The following TRHDE variants were observed in gnomAD, a reference collection of about 807,000 sequenced individuals.
The protein encoded by TRHDE is thyrotropin releasing hormone degrading enzyme, also known as thyrotropin-releasing hormone-degrading ectoenzyme.
Under a neutral mutation model 125.7 loss-of-function variants are expected in TRHDE, and 72 were observed. That is an observed-to-expected ratio of 0.57 (90% CI 0.47 to 0.70). The LOEUF (loss-of-function observed/expected upper bound fraction) is 0.70. TRHDE is among the 30% of genes least tolerant of loss of function. The probability of loss-of-function intolerance (pLI) is 0.00; values close to 1 mark genes in which losing one functional copy is unlikely to be tolerated. For synonymous variants in TRHDE, 509 were observed against 509.1 expected (o/e 1.00, Z 0.00); for missense variants, 1,110 against 1,327.1 (o/e 0.84, Z 2.54).
chr12:72,470,240 G>C (rs1408953398), intron 4 of TRHDE, among the ~76,000 whole-genome samples: 2 of 152,196 alleles, frequency 1.3e-5, no homozygotes, highest in Admixed American at 1.3e-4. Flanking sequence ...TGTATATATG[G>C]TAAGTGCAGT....
At chr12:72,129,389 C>T (rs551314033) in intron 2 of TRHDE, among the ~76,000 whole-genome samples, 3 of 151,602 alleles carry the variant, frequency 2.0e-5, no homozygotes, top group Non-Finnish European at 4.4e-5. Context: ...ATGCCTTAAA[C>T]TATAATTAGA....
intron 2 of TRHDE, among the ~76,000 whole-genome samples, chr12:72,230,626 AT>A (rs1449775564): frequency 1.3e-5 from 2 of 152,080 alleles, no homozygotes; most frequent in Admixed American, 6.6e-5. Flanking sequence ...GTAAACTGAT[AT>A]TTTAACAAAT....
intron 15 of TRHDE, among the ~76,000 whole-genome samples, chr12:72,641,889 G>T (rs1296632075): frequency 1.3e-5 from 2 of 151,754 alleles, no homozygotes; most frequent in African/African-American, 2.4e-5. Context: ...TCCCAAATTT[G>T]TATGTTGAAA....
At chr12:72,150,751 G>A (rs1876341792) in intron 2 of TRHDE, among the ~76,000 whole-genome samples, 1 of 151,946 alleles carries the variant, frequency 6.6e-6, no homozygotes, top group South Asian at 2.1e-4. Context: ...TGGCTGCATA[G>A]TATTCCATGG....
At chr12:72,337,907 G>A (rs982969272) in intron 2 of TRHDE, among the ~76,000 whole-genome samples, 5 of 151,958 alleles carry the variant, frequency 3.3e-5, no homozygotes, top group Non-Finnish European at 7.4e-5. Context: ...GTGGTTACAC[G>A]TAGTACTAGC....
chr12:72,616,579 C>G (rs372639668), intron 12 of TRHDE, among the ~76,000 whole-genome samples: 1 of 151,948 alleles, frequency 6.6e-6, no homozygotes, highest in Non-Finnish European at 1.5e-5. Context: ...GGCAAATTCC[C>G]TACAAAGTAT....
chr12:72,338,945 A>G (rs1452443601), intron 2 of TRHDE, among the ~76,000 whole-genome samples: 1 of 152,192 alleles, frequency 6.6e-6, no homozygotes, highest in Non-Finnish European at 1.5e-5. Context: ...CATAGGAGGA[A>G]AGGATCATAT....
At chr12:72,584,931 T>C (rs1379021849) in intron 12 of TRHDE, among the ~76,000 whole-genome samples, 1 of 152,222 alleles carries the variant, frequency 6.6e-6, no homozygotes, top group Non-Finnish European at 1.5e-5. Flanking sequence ...ATTCTCCTAA[T>C]AAGCATATAG....
chr12:72,141,877 G>A (rs1436410378), intron 2 of TRHDE, among the ~76,000 whole-genome samples: 1 of 152,162 alleles, frequency 6.6e-6, no homozygotes, highest in Non-Finnish European at 1.5e-5. Flanking sequence ...GACAGGTGAT[G>A]GTTTGGCAAT....
intron 2 of TRHDE, among the ~76,000 whole-genome samples, chr12:72,222,855 G>A (rs1478492205): frequency 6.6e-6 from 1 of 152,092 alleles, no homozygotes; most frequent in Non-Finnish European, 1.5e-5. Context: ...GAGTGCAAAG[G>A]TTACTTGAGT....
chr12:72,177,123 G>C (rs954653842), intron 2 of TRHDE, among the ~76,000 whole-genome samples: 1 of 144,776 alleles, frequency 6.9e-6, no homozygotes, highest in Non-Finnish European at 1.5e-5. Context: ...ATCACCAAAG[G>C]TTTTTTTTTT....
At chr12:72,454,684 A>T (rs1349146769) in intron 3 of TRHDE, among the ~76,000 whole-genome samples, 1 of 152,212 alleles carries the variant, frequency 6.6e-6, no homozygotes, top group Admixed American at 6.5e-5. Flanking sequence ...TGTGATTCCC[A>T]AACTTTAATG....
intron 2 of TRHDE, among the ~76,000 whole-genome samples, chr12:72,141,462 G>C (rs796436895): frequency 6.6e-6 from 1 of 152,106 alleles, no homozygotes; most frequent in South Asian, 2.1e-4. Context: ...TCCTGAACAA[G>C]GTAGACAATG....
At chr12:72,511,735 GT>G (rs1878588999) in intron 6 of TRHDE, among the ~76,000 whole-genome samples, 1 of 151,984 alleles carries the variant, frequency 6.6e-6, no homozygotes, top group African/African-American at 2.4e-5. Flanking sequence ...TCATTTAATG[GT>G]TTCTTTTTAT....
intron 2 of TRHDE, among the ~76,000 whole-genome samples, chr12:72,150,608 C>T (rs1362101881): frequency 1.4e-5 from 2 of 141,712 alleles, no homozygotes; most frequent in African/African-American, 5.2e-5. Context: ...TCCATGTGTT[C>T]TCATTGTTCA....
intron 2 of TRHDE, among the ~76,000 whole-genome samples, chr12:72,330,731 T>C (rs2135719339): frequency 6.6e-6 from 1 of 152,238 alleles, no homozygotes. Flanking sequence ...AGAGCGAAAA[T>C]AATATCCTAT....
intron 7 of TRHDE, among the ~76,000 whole-genome samples, chr12:72,550,904 T>G (rs971106372): frequency 6.6e-6 from 1 of 151,888 alleles, no homozygotes; most frequent in African/African-American, 2.4e-5. Flanking sequence ...AGTAAAAAAC[T>G]TTTTCCATTA....
At chr12:72,150,492 C>T (rs548919034) in intron 2 of TRHDE, among the ~76,000 whole-genome samples, 10 of 150,992 alleles carry the variant, frequency 6.6e-5, no homozygotes, top group Non-Finnish European at 1.5e-4. Context: ...TGGTGTGCTG[C>T]ACCCATTAAC....
chr12:72,453,008 G>C (rs1342350055), intron 3 of TRHDE, among the ~76,000 whole-genome samples: 1 of 152,124 alleles, frequency 6.6e-6, no homozygotes, highest in Non-Finnish European at 1.5e-5. Context: ...ACAGATCATT[G>C]GTACTAAGCA....
Sources: gnomAD v4.1 joint callset for allele counts (sites outside exome capture counted in the v4.1 genomes callset) on GRCh38, gnomAD v4.1.1 for gene constraint, MANE v1.5 for transcripts, NCBI Gene and HGNC (gene_info 2026-07-23, HGNC 2026-07-21) for gene names.